RNF43: variants seen among roughly 807,000 people sequenced by gnomAD.
The protein encoded by RNF43 is E3 ubiquitin-protein ligase RNF43.
A neutral mutation model predicts 78.4 loss-of-function variants in RNF43; 37 were observed. The ratio of observed to expected loss-of-function variants is 0.47; its 90% CI spans 0.36 to 0.62. RNF43 has a LOEUF of 0.62. Ranked by LOEUF, RNF43 falls within the 20% of genes least tolerant of loss-of-function variation. The pLI is 0.00. For synonymous variants in RNF43, 347 were observed against 395.0 expected, an observed-to-expected ratio of 0.88 and a Z score of 1.44; for missense variants, 774 against 1,007.9, an observed-to-expected ratio of 0.77 and a Z score of 3.14.
intron 9 of RNF43, chr17:58,356,979 C>T (rs779777797): frequency 5.7e-6 from 3 of 526,214 alleles, no homozygotes; most frequent in Admixed American, 3.3e-5. Flanking sequence ...CTGCAACTTC[C>T]GCCTCTTAGG....
intron 2 of RNF43, among the ~76,000 whole-genome samples, chr17:58,384,839 A>G (rs553263525): frequency 6.6e-6 from 1 of 152,378 alleles, no homozygotes; most frequent in African/African-American, 2.4e-5. Context: ...GAGAGCTCTC[A>G]TTAGCTTAAA....
intron 2 of RNF43, among the ~76,000 whole-genome samples, chr17:58,404,567 G>A (rs1244695242): frequency 6.6e-6 from 1 of 152,058 alleles, no homozygotes; most frequent in African/African-American, 2.4e-5. Flanking sequence ...ACAGTGGATC[G>A]GTACATTCTT....
chr17:58,372,383 T>C (rs912945535), intron 2 of RNF43, among the ~76,000 whole-genome samples: 1 of 152,158 alleles, frequency 6.6e-6, no homozygotes, highest in African/African-American at 2.4e-5. Context: ...CCTACTAGTC[T>C]GGTAGTGAGC....
intron 2 of RNF43, 127 bp downstream of exon 2, chr17:58,415,199 T>G: frequency 1.1e-6 from 1 of 927,476 alleles, no homozygotes. Context: ...TAAGGCAGTA[T>G]CTACTCTTTC....
At chr17:58,368,665 A>C (rs1234028678) in intron 3 of RNF43, among the ~76,000 whole-genome samples, 1 of 151,406 alleles carries the variant, frequency 6.6e-6, no homozygotes, top group African/African-American at 2.4e-5. Flanking sequence ...GTGAGCCGAG[A>C]TGGAGCCACT....
At chr17:58,405,700 C>CAGAA (rs199880674) in intron 2 of RNF43, among the ~76,000 whole-genome samples, 22,218 of 110,070 alleles carry the variant, frequency 0.2, 2,572 homozygotes, top group Non-Finnish European at 0.23. Flanking sequence ...TCTCTAATGA[C>CAGAA]AGAAAGAAAG....
chr17:58,404,698 C>T (rs1598165405), intron 2 of RNF43, among the ~76,000 whole-genome samples: 1 of 152,090 alleles, frequency 6.6e-6, no homozygotes, highest in African/African-American at 2.4e-5. Context: ...ACAATTTTTG[C>T]TAAATAGATA....
intron 2 of RNF43, among the ~76,000 whole-genome samples, chr17:58,407,915 AC>A (rs1480378963): frequency 6.6e-6 from 1 of 152,240 alleles, no homozygotes; most frequent in African/African-American, 2.4e-5. Flanking sequence ...CAGTGGAACC[AC>A]CATGCTGAAG....
Position 58,415,406 on chromosome 17 carries a change from T to A in RNF43, c.172A>T (p.Thr58Ser), listed in dbSNP as rs142864107. The A allele has an allele frequency of 8.5e-5, 138 of 1,614,192 alleles. No homozygotes were observed. The East Asian group carries it at 3.0e-3, about 35-fold the overall frequency. ...IRVIPLKMDP[T>S]GKLNLTLEGV... ...TCCAAAGTGAGATTCAGTTTTCCTG[T>A]GGGGTCCATTTTCAAGGGGATCACT... Residue 58 changes from threonine (T) to serine (S), a missense_variant, in exon 2 of 10, where the codon ACA becomes TCA. Physicochemically the swap from Thr to Ser is moderately conservative, Grantham distance 58. Transcript: ENST00000407977.
intron 2 of RNF43, among the ~76,000 whole-genome samples, chr17:58,392,625 T>C (rs1973584085): frequency 6.6e-6 from 1 of 152,228 alleles, no homozygotes; most frequent in African/African-American, 2.4e-5. Flanking sequence ...GGGGGTTATA[T>C]GGCTTCTTTA....
intron 3 of RNF43, among the ~76,000 whole-genome samples, chr17:58,364,949 C>T (rs1972918164): frequency 6.6e-6 from 1 of 152,248 alleles, no homozygotes; most frequent in South Asian, 2.1e-4. Flanking sequence ...CCACTCAGAA[C>T]CCACTGCCTG....
chr17:58,388,903 C>T (rs961301413), intron 2 of RNF43, among the ~76,000 whole-genome samples: 85 of 152,272 alleles, frequency 5.6e-4, no homozygotes, highest in African/African-American at 1.9e-3. Flanking sequence ...TACAGGAAGA[C>T]TTGTCTGACT....
At position 58,358,038 on chromosome 17, in the gene RNF43, G is replaced by T; in HGVS notation, c.1738C>A (p.Pro580Thr). 6.3e-7 allele frequency: 1 copy of T among 1,590,414 alleles called. No individual in the cohort carries two copies. ...TGGGGCTGTGTCCGAGGAATAGGAG[G>T]CCTGGACTGGGGGACTCCGGTTTCT... ...GPETGVPQSRPPIPRTQPQPE... is the reference protein window; with the variant it reads ...GPETGVPQSRTPIPRTQPQPE... The change falls in exon 9 of 10, where the codon CCT (proline) becomes ACT (threonine). Residue 580 changes from proline to threonine, a missense_variant. Transcript: ENST00000407977. The surrounding 1 kb of genome is among the most constrained non-coding windows in gnomAD (Gnocchi z 6.2).
At chr17:58,406,704 A>G (rs988621726) in intron 2 of RNF43, among the ~76,000 whole-genome samples, 2 of 152,042 alleles carry the variant, frequency 1.3e-5, no homozygotes, top group Non-Finnish European at 2.9e-5. Context: ...AGTAGATAAT[A>G]CAAAAGACTG....
rs556061270 is a variant in RNF43 at position 58,354,102 on chromosome 17, T to A, written c.*841A>T. On this transcript the variant is annotated 3_prime_UTR_variant, in exon 10 of 10. Transcript: ENST00000407977. Reference sequence around the variant, plus strand: ...TTCCATCCTTGCTCTAAGACAAAACTTTTCCCAGAGAAGAACTCTTTGTTG... The same window carrying A: ...TTCCATCCTTGCTCTAAGACAAAACATTTCCCAGAGAAGAACTCTTTGTTG... 1 of 197,548 alleles carries A rather than the reference T, an allele frequency of 5.1e-6. No individual in the cohort carries two copies. The highest frequency in any genetic ancestry group is 1.9e-4 in the South Asian group (1 of 5,228). 12.2% of individuals were successfully genotyped at this position (197,548 alleles called of 1,614,324 possible). A position where few individuals can be genotyped will look rare whatever the true frequency, so the allele number is the denominator to read the frequency against.
rs2143698927 is a variant in RNF43, at chr17:58,415,664, G to C, written c.-87C>G. On this transcript the variant is annotated 5_prime_UTR_variant, in exon 2 of 10. Coordinates refer to ENST00000407977, the MANE Select transcript of RNF43 (RefSeq NM_017763.6). ...GCAGGTTCTCAGATCCAGACAAATG[G>C]AGGAAAAGAACATTTATGCTTCCGT... is the stretch of plus-strand genomic sequence containing the variant. 1 of 1,465,852 alleles carries C rather than the reference G, an allele frequency of 6.8e-7. No individual in the cohort carries two copies. The highest frequency in any genetic ancestry group is 9.3e-7 in the Non-Finnish European group (1 of 1,080,394). The allele number at this position is 1,465,852 out of a possible 1,614,324, so 90.8% of individuals were successfully genotyped here.
intron 2 of RNF43, among the ~76,000 whole-genome samples, chr17:58,389,178 C>T (rs750380285): frequency 9.2e-5 from 14 of 151,926 alleles, no homozygotes; most frequent in Non-Finnish European, 2.1e-4. Context: ...ACGATCAGAG[C>T]TTGAACTCTG....
intron 3 of RNF43, among the ~76,000 whole-genome samples, chr17:58,367,302 G>T (rs939988332): frequency 7.8e-4 from 118 of 152,244 alleles, no homozygotes; most frequent in African/African-American, 2.8e-3. Context: ...ACCACACCTG[G>T]TCCTTATATC....
chr17:58,362,552 T>G lies in RNF43; in HGVS notation c.679A>C (p.Ser227Arg), dbSNP rs1376333619. Residue 227 changes from serine to arginine, a missense_variant, in exon 6 of 10, where the codon AGC (serine) becomes CGC (arginine). Ser to Arg is a moderately radical substitution (Grantham distance 110, BLOSUM62 -1). Coordinates refer to ENST00000407977, the MANE Select transcript of RNF43 (RefSeq NM_017763.6). ...GACCCCACACTGCTCACCGGCCTGC[T>G]GTGGCGGGGGCGGCACCGGATGCGC... is the stretch of plus-strand genomic sequence containing the variant. ...VLRIRCRPRH[S>R]RPDPLQQRTA... is the part of the protein sequence containing the mutation. 6.2e-7 allele frequency: 1 copy of G among 1,609,752 alleles called. No homozygotes were observed. Among genetic ancestry groups the G allele is most frequent in the African/African-American group, 1.3e-5 (1 of 74,750 alleles).
Sources: gnomAD v4.1 joint callset for allele counts (sites outside exome capture counted in the v4.1 genomes callset) on GRCh38, gnomAD v4.1.1 for gene constraint, Gnocchi (gnomAD v3.1) non-coding constraint, MANE v1.5 for transcripts, NCBI Gene and HGNC (gene_info 2026-07-23, HGNC 2026-07-21) for gene names.